Variants in GRID1 observed in about 807,000 individuals in gnomAD.
GRID1 encodes glutamate receptor ionotropic, delta-1.
A neutral mutation model predicts 98.0 loss-of-function variants in GRID1; 28 were observed. The ratio of observed to expected loss-of-function variants is 0.29; its 90% confidence interval spans 0.21 to 0.39. The LOEUF is 0.39. Among genes scored for constraint, GRID1 ranks in the 10% least tolerant of loss-of-function variants. The pLI is 1.00. For missense variants in GRID1, 1,111 were observed against 1,340.5 expected (o/e 0.83, Z 2.67); for synonymous variants, 553 against 538.5 (o/e 1.03, Z -0.37).
intron 12 of GRID1, among the ~76,000 whole-genome samples, chr10:85,692,993 A>T (rs182170108): frequency 4.3e-4 from 66 of 152,334 alleles, no homozygotes; most frequent in Non-Finnish European, 7.6e-4. Context: ...CACTAGAACT[A>T]CTAGAGATGA....
At chr10:85,842,921 T>A (rs1358035002) in intron 8 of GRID1, among the ~76,000 whole-genome samples, 2 of 152,026 alleles carry the variant, frequency 1.3e-5, no homozygotes, top group African/African-American at 2.4e-5. Flanking sequence ...CTAAAGCAGA[T>A]ATGATAGTAC....
At position 86,356,977 on chromosome 10, in the gene GRID1, T is replaced by C. The variant is rs1848541550; in HGVS notation, c.235+6964A>G. Among the ~76,000 whole-genome samples, 5 of 151,996 alleles carry C rather than the reference T, an allele frequency of 3.3e-5. No homozygotes were observed. In the South Asian group the frequency reaches 1.0e-3, roughly 32 times the overall value. On this transcript the variant is annotated intron_variant, in intron 2 of 15. Transcript: ENST00000327946. ...CAGCTACAAGAATTGGGAAAGAGAG[T>C]CTGTCTGCCATTACAAGAGGTGACT...
At chr10:86,322,755 A>C (rs1847988464) in intron 2 of GRID1, among the ~76,000 whole-genome samples, 1 of 150,406 alleles carries the variant, frequency 6.6e-6, no homozygotes, top group African/African-American at 2.4e-5. Context: ...TAAATAAATA[A>C]ATAATAAAAA....
At chr10:86,319,665 A>G (rs1182730584) in intron 2 of GRID1, among the ~76,000 whole-genome samples, 1 of 152,238 alleles carries the variant, frequency 6.6e-6, no homozygotes, top group Non-Finnish European at 1.5e-5. Context: ...AAATAGTAGC[A>G]GCTGCCTCAG....
At chr10:85,653,661 T>C (rs552406029) in intron 12 of GRID1, among the ~76,000 whole-genome samples, 4 of 152,160 alleles carry the variant, frequency 2.6e-5, no homozygotes, top group Non-Finnish European at 5.9e-5. Flanking sequence ...TAAAAGGTGA[T>C]TGGATCATGA....
chr10:86,149,060 G>A (rs138428784), intron 3 of GRID1, among the ~76,000 whole-genome samples: 6 of 152,280 alleles, frequency 3.9e-5, no homozygotes, highest in African/African-American at 7.2e-5. Context: ...CACAGGGAAC[G>A]CCCCCAAAAG....
At chr10:85,833,405 T>G (rs1216874142) in intron 8 of GRID1, among the ~76,000 whole-genome samples, 1 of 151,542 alleles carries the variant, frequency 6.6e-6, no homozygotes, top group Non-Finnish European at 1.5e-5. Context: ...ATAAACTAAG[T>G]AGACCAAAAT....
At chr10:85,923,783 T>C (rs945273855) in intron 4 of GRID1, among the ~76,000 whole-genome samples, 6 of 152,212 alleles carry the variant, frequency 3.9e-5, no homozygotes, top group African/African-American at 1.4e-4. Flanking sequence ...GCATGTTTCA[T>C]AGGTGTTTGG....
chr10:86,295,932 C>T (rs1847582687), intron 2 of GRID1, among the ~76,000 whole-genome samples: 1 of 152,230 alleles, frequency 6.6e-6, no homozygotes, highest in Non-Finnish European at 1.5e-5. Flanking sequence ...TCAAACACCT[C>T]ATCCATCCCC....
At chr10:86,331,766 T>C (rs893975459) in intron 2 of GRID1, among the ~76,000 whole-genome samples, 3 of 152,216 alleles carry the variant, frequency 2.0e-5, no homozygotes, top group Admixed American at 2.0e-4. Flanking sequence ...TGCAGACAAG[T>C]TGCCATGAGA....
chr10:86,352,463 G>C (rs1848476383), intron 2 of GRID1, among the ~76,000 whole-genome samples: 2 of 152,190 alleles, frequency 1.3e-5, no homozygotes, highest in African/African-American at 2.4e-5. Flanking sequence ...CCAAGATCAG[G>C]GTGCCAGCAT....
At chr10:85,906,818 G>A (rs1376762542) in intron 5 of GRID1, among the ~76,000 whole-genome samples, 2 of 151,184 alleles carry the variant, frequency 1.3e-5, no homozygotes, top group African/African-American at 4.9e-5. Flanking sequence ...AGAAACTAGG[G>A]GAAAAAAGAG....
At chr10:86,234,965 A>G (rs1389972188) in intron 2 of GRID1, among the ~76,000 whole-genome samples, 7 of 152,354 alleles carry the variant, frequency 4.6e-5, no homozygotes, top group African/African-American at 1.4e-4. Context: ...AGGGAGGTGC[A>G]GGGGAGAGGA....
intron 2 of GRID1, among the ~76,000 whole-genome samples, chr10:86,311,884 G>A (rs934117368): frequency 2.0e-5 from 3 of 152,236 alleles, no homozygotes; most frequent in Non-Finnish European, 4.4e-5. Context: ...CAAATTGGCA[G>A]CCTCACAATC....
At chr10:85,739,263 A>G (rs1257422049) in intron 8 of GRID1, among the ~76,000 whole-genome samples, 1 of 152,100 alleles carries the variant, frequency 6.6e-6, no homozygotes, top group African/African-American at 2.4e-5. Flanking sequence ...ATTGGCAAGG[A>G]TGATAAGAGA....
intron 3 of GRID1, among the ~76,000 whole-genome samples, chr10:86,162,948 G>A (rs548012936): frequency 4.5e-4 from 69 of 152,322 alleles, no homozygotes; most frequent in African/African-American, 1.5e-3. Context: ...TGGGCCTGAA[G>A]GAGCCTTCTG....
At chr10:86,038,775 G>A (rs1166070820) in intron 4 of GRID1, among the ~76,000 whole-genome samples, 2 of 152,202 alleles carry the variant, frequency 1.3e-5, no homozygotes, top group African/African-American at 4.8e-5. Context: ...GTGCATGTCT[G>A]TGAGGATCTA....
At chr10:86,225,234 G>A (rs1181043006) in intron 2 of GRID1, among the ~76,000 whole-genome samples, 1 of 152,096 alleles carries the variant, frequency 6.6e-6, no homozygotes, top group Admixed American at 6.5e-5. Context: ...CCAGGAGCCC[G>A]AGGTAAACCA....
At chr10:85,903,401 T>C (rs992044772) in intron 5 of GRID1, among the ~76,000 whole-genome samples, 1 of 152,048 alleles carries the variant, frequency 6.6e-6, no homozygotes, top group Non-Finnish European at 1.5e-5. Context: ...CCACCCCAAA[T>C]ATATTCAGAA....
Sources: allele counts gnomAD v4.1 joint callset (sites outside exome capture counted in the v4.1 genomes callset), GRCh38; gene constraint gnomAD v4.1.1; transcripts MANE v1.5; gene names NCBI Gene and HGNC (gene_info 2026-07-23, HGNC 2026-07-21).